The following KCNH7 variants were observed in gnomAD, a reference collection of about 807,000 sequenced individuals.
KCNH7 encodes the protein voltage-gated inwardly rectifying potassium channel KCNH7.
KCNH7 carries 49 observed loss-of-function variants against 120.8 expected under a neutral mutation model. That is an observed-to-expected ratio of 0.41 (90% CI 0.32 to 0.51). The LOEUF (loss-of-function observed/expected upper bound fraction) is 0.51, where lower values mean the gene tolerates loss of function less well. Ranked by LOEUF, KCNH7 falls within the 20% of genes least tolerant of loss-of-function variation. The pLI is 0.38. For missense variants in KCNH7, 1,097 were observed against 1,446.6 expected (o/e 0.76, Z 3.92); for synonymous variants, 547 against 516.1 (o/e 1.06, Z -0.81).
At chr2:162,565,919 A>G (rs1350546513) in intron 2 of KCNH7, among the ~76,000 whole-genome samples, 1 of 152,116 alleles carries the variant, frequency 6.6e-6, no homozygotes, top group Non-Finnish European at 1.5e-5. Flanking sequence ...ATAAAACACA[A>G]TGATGACAAA....
At chr2:162,423,201 CA>C (rs1396019193) in intron 9 of KCNH7, 134 bp downstream of exon 9, 2 of 1,557,700 alleles carry the variant, frequency 1.3e-6, no homozygotes, top group African/African-American at 2.7e-5. Context: ...AGACTATCTC[CA>C]GGGGAGAAAA....
At chr2:162,620,952 A>G (rs1349527911) in intron 2 of KCNH7, among the ~76,000 whole-genome samples, 4 of 152,174 alleles carry the variant, frequency 2.6e-5, no homozygotes, top group African/African-American at 9.7e-5. Context: ...GATGAAAGGC[A>G]TAAGCTGGGA....
At chr2:162,778,974 G>T (rs1249100234) in intron 2 of KCNH7, among the ~76,000 whole-genome samples, 1 of 149,708 alleles carries the variant, frequency 6.7e-6, no homozygotes, top group Non-Finnish European at 1.5e-5. Context: ...CTTTCTGAGG[G>T]GTTCATCTGC....
Position 162,371,890 on chromosome 2 carries a change from C to T in KCNH7, c.3530G>A (p.Ser1177Asn). The change falls in exon 16 of 16, where the codon AGC (serine) becomes AAC (asparagine). Residue 1177 changes from serine (S) to asparagine (N), a missense_variant. Physicochemically the swap from Ser to Asn is conservative, Grantham distance 46. This residue lies in a region of KCNH7 where 406 missense variants were observed against 410.5 expected (regional missense o/e 0.99). Transcript: ENST00000332142. ...ATGAAGACCCACGATTCCTACAGTG[C>T]TTAGGGATGAATCTGGCAAAGAAGG... The part of the protein sequence containing the change: ...RHPSLPDSSL[S>N]TVGIVGLHRH... 6 of 1,613,760 alleles carry T rather than the reference C, an allele frequency of 3.7e-6. No homozygotes were observed. In the South Asian group the frequency reaches 5.5e-5, roughly 15 times the overall value.
rs189016915 is a variant in KCNH7, at chr2:162,485,447, T to G, written c.1128+18996A>C. Among the ~76,000 whole-genome samples the G allele has an allele frequency of 7.2e-3, 1,104 of 152,316 alleles. 16 individuals are homozygous for G. The highest frequency in any genetic ancestry group is 0.025 in the African/African-American group (1,060 of 41,570). On this transcript the variant is annotated intron_variant, in intron 6 of 15. Coordinates refer to ENST00000332142, the MANE Select transcript of KCNH7 (RefSeq NM_033272.4). The stretch of plus-strand genomic sequence containing the variant: ...AAGTGGAAAGAAGTAATACTTGTTA[T>G]TTAGAAAATACTTTTGCTTCAGGTA...
At chr2:162,394,547 TCA>T in intron 11 of KCNH7, 62 bp from the exon 12 acceptor site, 1 of 936,822 alleles carries the variant, frequency 1.1e-6, no homozygotes, top group Non-Finnish European at 1.7e-6. Context: ...AATGTACTAT[TCA>T]GTAAACTGTT....
intron 2 of KCNH7, among the ~76,000 whole-genome samples, chr2:162,616,143 T>C (rs1487374224): frequency 6.6e-6 from 1 of 152,214 alleles, no homozygotes; most frequent in Non-Finnish European, 1.5e-5. Flanking sequence ...ATTTTGTTTT[T>C]CTCATTAGTC....
intron 13 of KCNH7, among the ~76,000 whole-genome samples, chr2:162,382,252 A>G (rs1686439532): frequency 6.6e-6 from 1 of 152,090 alleles, no homozygotes. Flanking sequence ...AAATGAACGA[A>G]GTGTATACTC....
At chr2:162,781,808 A>G (rs1044795642) in intron 2 of KCNH7, among the ~76,000 whole-genome samples, 2 of 152,178 alleles carry the variant, frequency 1.3e-5, no homozygotes, top group African/African-American at 4.8e-5. Context: ...CAAGACTTCA[A>G]GCAGAGAACA....
intron 8 of KCNH7, among the ~76,000 whole-genome samples, chr2:162,434,550 T>A (rs1328427404): frequency 6.6e-6 from 1 of 152,112 alleles, no homozygotes; most frequent in Admixed American, 6.6e-5. Context: ...TTAACAAAGC[T>A]TTTTTAATTC....
chr2:162,473,460 G>A (rs1689633225), intron 6 of KCNH7, among the ~76,000 whole-genome samples: 1 of 152,064 alleles, frequency 6.6e-6, no homozygotes, highest in Non-Finnish European at 1.5e-5. Context: ...CAACTTGTTT[G>A]GGCAGCTTTC....
intron 2 of KCNH7, among the ~76,000 whole-genome samples, chr2:162,627,497 G>A (rs926280429): frequency 6.6e-6 from 1 of 152,132 alleles, no homozygotes; most frequent in African/African-American, 2.4e-5. Context: ...ATTTGCTTAT[G>A]CATAATAAAT....
intron 9 of KCNH7, among the ~76,000 whole-genome samples, chr2:162,414,836 A>G (rs1687493878): frequency 1.3e-5 from 2 of 152,058 alleles, no homozygotes; most frequent in Admixed American, 1.3e-4. Context: ...TGTGTATATG[A>G]GAAGGCAAAT....
intron 2 of KCNH7, among the ~76,000 whole-genome samples, chr2:162,831,102 C>T (rs192003172): frequency 8.5e-5 from 13 of 152,224 alleles, no homozygotes; most frequent in Admixed American, 6.5e-4. Flanking sequence ...TTGTTAAGGG[C>T]TCAGACTCCA....
At chr2:162,774,852 G>A (rs1267463972) in intron 2 of KCNH7, among the ~76,000 whole-genome samples, 3 of 152,002 alleles carry the variant, frequency 2.0e-5, no homozygotes, top group Admixed American at 2.0e-4. Flanking sequence ...TAATTTTATA[G>A]GCATCACTTC....
intron 2 of KCNH7, among the ~76,000 whole-genome samples, chr2:162,592,542 T>A (rs1398907993): frequency 6.6e-6 from 1 of 151,976 alleles, no homozygotes; most frequent in East Asian, 1.9e-4. Context: ...TTTAGCAGCA[T>A]GAACAGGTGT....
intron 2 of KCNH7, among the ~76,000 whole-genome samples, chr2:162,626,536 T>C (rs1683566627): frequency 6.6e-6 from 1 of 152,168 alleles, no homozygotes; most frequent in Admixed American, 6.5e-5. Flanking sequence ...AATAAATGAC[T>C]GCCATGTCTG....
chr2:162,540,975 G>C lies in KCNH7; in HGVS notation c.308-3895C>G, dbSNP rs865979679. On this transcript the variant is annotated intron_variant, in intron 2 of 15. Transcript: ENST00000332142. ...TTTTGAGGTAGAGCGTATAGGATTT[G>C]CTGATACATTGGATGGGACATAAGA... 2.6e-5 allele frequency among the ~76,000 whole-genome samples: 4 copies of C among 152,020 alleles called. No individual in the cohort carries two copies. In the South Asian group the frequency reaches 6.2e-4, roughly 24 times the overall value.
intron 2 of KCNH7, among the ~76,000 whole-genome samples, chr2:162,554,026 C>T (rs566377082): frequency 1.1e-4 from 16 of 152,280 alleles, no homozygotes; most frequent in Admixed American, 7.2e-4. Flanking sequence ...TCCTCCCATG[C>T]CTGGATCAAT....
Sources: gnomAD v4.1 joint callset for allele counts (sites outside exome capture counted in the v4.1 genomes callset) on GRCh38, gnomAD v4.1.1 for gene constraint, gnomAD v4.1.1 regional missense constraint, MANE v1.5 for transcripts, NCBI Gene and HGNC (gene_info 2026-07-23, HGNC 2026-07-21) for gene names.